The following KYNU variants were observed in gnomAD, a reference collection of about 807,000 sequenced individuals.
The protein encoded by KYNU is L-kynurenine hydrolase.
In KYNU, 54 loss-of-function variants were observed where a neutral mutation model predicts 59.2. The ratio of observed to expected loss-of-function variants is 0.91; its 90% CI spans 0.73 to 1.14. The LOEUF is 1.14. KYNU is among the 50% of genes most tolerant of loss of function. The probability of loss-of-function intolerance (pLI) is 0.00; values close to 1 mark genes in which losing one functional copy is unlikely to be tolerated. For synonymous variants in KYNU, 177 were observed against 192.0 expected (o/e 0.92, Z 0.65); for missense variants, 567 against 554.4 (o/e 1.02, Z -0.23).
chr2:142,989,396 A>C (rs1036351958), intron 10 of KYNU: 2 of 989,838 alleles, frequency 2.0e-6, no homozygotes, highest in African/African-American at 3.5e-5. Context: ...TATGTAGCCG[A>C]GAACCATATG....
chr2:143,017,124 AC>A (rs1686272611), intron 10 of KYNU, among the ~76,000 whole-genome samples: 1 of 152,092 alleles, frequency 6.6e-6, no homozygotes, highest in Non-Finnish European at 1.5e-5. Context: ...GTGTATATGT[AC>A]CATATTTGTT....
chr2:142,892,680 T>A (rs1170155419), intron 2 of KYNU, among the ~76,000 whole-genome samples: 1 of 152,148 alleles, frequency 6.6e-6, no homozygotes, highest in Non-Finnish European at 1.5e-5. Context: ...TAAACCTGAT[T>A]TAGTAGTAGG....
chr2:142,928,826 G>A (rs1683120200), intron 4 of KYNU, among the ~76,000 whole-genome samples: 1 of 151,536 alleles, frequency 6.6e-6, no homozygotes, highest in African/African-American at 2.4e-5. Context: ...TGGCCAACAT[G>A]GTGAGATCCC....
intron 3 of KYNU, among the ~76,000 whole-genome samples, chr2:142,927,428 C>T (rs1463689305): frequency 6.8e-6 from 1 of 147,928 alleles, no homozygotes; most frequent in East Asian, 2.0e-4. Context: ...AACATATGAA[C>T]AATCTCCCCC....
chr2:142,908,139 A>G (rs1164022559), intron 2 of KYNU, among the ~76,000 whole-genome samples: 1 of 152,150 alleles, frequency 6.6e-6, no homozygotes, highest in Non-Finnish European at 1.5e-5. Flanking sequence ...TTATTCTTTT[A>G]GCCTTTGGGG....
intron 10 of KYNU, among the ~76,000 whole-genome samples, chr2:143,013,704 C>T (rs1413357322): frequency 6.6e-6 from 1 of 152,124 alleles, no homozygotes; most frequent in Non-Finnish European, 1.5e-5. Context: ...TTGTTTTTCT[C>T]AGTAAATTTG....
intron 3 of KYNU, among the ~76,000 whole-genome samples, chr2:142,923,800 C>T (rs1682963848): frequency 6.6e-6 from 1 of 152,124 alleles, no homozygotes; most frequent in Non-Finnish European, 1.5e-5. Flanking sequence ...TTTGTCTCTA[C>T]AGGGATTCTT....
At chr2:142,896,533 C>G (rs966832872) in intron 2 of KYNU, among the ~76,000 whole-genome samples, 1 of 151,248 alleles carries the variant, frequency 6.6e-6, no homozygotes, top group African/African-American at 2.4e-5. Context: ...GATTTTGGAG[C>G]TTTTTGTTTT....
At chr2:142,984,330 A>G (rs1200392289) in intron 8 of KYNU, among the ~76,000 whole-genome samples, 2 of 152,038 alleles carry the variant, frequency 1.3e-5, no homozygotes, top group Non-Finnish European at 2.9e-5. Flanking sequence ...TACTCATGGA[A>G]GTGGATACAA....
At chr2:143,000,038 C>G (rs143401378) in intron 10 of KYNU, among the ~76,000 whole-genome samples, 3 of 152,120 alleles carry the variant, frequency 2.0e-5, no homozygotes, top group African/African-American at 7.2e-5. Flanking sequence ...TACTCTATAT[C>G]CAAATAAAGA....
intron 13 of KYNU, among the ~76,000 whole-genome samples, chr2:143,041,156 T>C (rs1687031972): frequency 6.6e-6 from 1 of 151,550 alleles, no homozygotes; most frequent in Non-Finnish European, 1.5e-5. Context: ...CAAGGAATAA[T>C]TTTTTTTTAA....
chr2:142,913,552 G>A (rs183497577), intron 2 of KYNU, among the ~76,000 whole-genome samples: 1 of 152,264 alleles, frequency 6.6e-6, no homozygotes, highest in East Asian at 1.9e-4. Flanking sequence ...ACTGTGGTCT[G>A]AAAGTATGGC....
chr2:143,025,527 T>G (rs1308624696), intron 10 of KYNU, among the ~76,000 whole-genome samples: 1 of 152,196 alleles, frequency 6.6e-6, no homozygotes, highest in East Asian at 1.9e-4. Context: ...ATGTAACCAC[T>G]GCTCTGAAAA....
chr2:143,047,097 C>G lies in KYNU; in HGVS notation c.*4925C>G, dbSNP rs1214630493. The stretch of plus-strand genomic sequence containing the variant: ...TGTTGTTTTAAAAGACAGGGTCTCC[C>G]TCTGTCACCCAGGCTGGAGTGTACT... On this transcript the variant is annotated 3_prime_UTR_variant, in exon 14 of 14. Transcript: ENST00000264170. The G allele has an allele frequency of 1.3e-5, 2 of 152,088 alleles. No homozygotes were observed. The highest frequency in any genetic ancestry group is 3.9e-4 in the East Asian group (2 of 5,194). 9.4% of individuals were successfully genotyped at this position (152,088 alleles called of 1,614,324 possible).
intron 12 of KYNU, among the ~76,000 whole-genome samples, chr2:143,033,734 G>T (rs1686821503): frequency 6.6e-6 from 1 of 152,176 alleles, no homozygotes; most frequent in African/African-American, 2.4e-5. Flanking sequence ...TTGTGTGCCT[G>T]ATGTGATTAC....
At chr2:142,957,769 T>C in intron 7 of KYNU, 54 bp downstream of exon 7, 1 of 1,152,262 alleles carries the variant, frequency 8.7e-7, no homozygotes, top group South Asian at 1.3e-5. Flanking sequence ...TTGATTTTTT[T>C]CTTCATTTTC....
At chr2:142,919,553 G>C (rs996959376) in intron 3 of KYNU, among the ~76,000 whole-genome samples, 5 of 152,168 alleles carry the variant, frequency 3.3e-5, no homozygotes, top group African/African-American at 1.2e-4. Flanking sequence ...AAAAACATTT[G>C]GCTGTCATAG....
chr2:142,883,190 T>C (rs1030693835), intron 1 of KYNU, among the ~76,000 whole-genome samples: 3 of 110,446 alleles, frequency 2.7e-5, no homozygotes, highest in South Asian at 3.4e-4. Flanking sequence ...AAATTTCTTT[T>C]TTTTTTTTTT....
intron 8 of KYNU, among the ~76,000 whole-genome samples, chr2:142,983,025 A>G (rs1685092122): frequency 6.6e-6 from 1 of 152,052 alleles, no homozygotes; most frequent in Admixed American, 6.6e-5. Flanking sequence ...GTAACAAATC[A>G]TCTTGAAACT....
Sources: allele counts gnomAD v4.1 joint callset (sites outside exome capture counted in the v4.1 genomes callset), GRCh38; gene constraint gnomAD v4.1.1; transcripts MANE v1.5; gene names NCBI Gene and HGNC (gene_info 2026-07-23, HGNC 2026-07-21).